Variants in NCOA2 observed in about 807,000 individuals in gnomAD.
The protein encoded by NCOA2 is class E basic helix-loop-helix protein 75.
NCOA2 carries 21 observed loss-of-function variants against 145.1 expected under a neutral mutation model. That is an observed-to-expected ratio of 0.14 (90% CI 0.10 to 0.21). The LOEUF is 0.21. NCOA2 is among the 10% of genes least tolerant of loss of function. The probability of loss-of-function intolerance (pLI) is 1.00; values close to 1 mark genes in which losing one functional copy is unlikely to be tolerated. For missense variants in NCOA2, 1,472 were observed against 1,837.6 expected, an observed-to-expected ratio of 0.80 and a Z score of 3.64; for synonymous variants, 619 against 637.5, an observed-to-expected ratio of 0.97 and a Z score of 0.44.
chr8:70,355,066 G>T (rs767707485), intron 1 of NCOA2, among the ~76,000 whole-genome samples: 1 of 152,116 alleles, frequency 6.6e-6, no homozygotes, highest in Non-Finnish European at 1.5e-5. Flanking sequence ...TATTTTAAAC[G>T]CAAATTCAAC....
At position 70,249,824 on chromosome 8, in the gene NCOA2, C is replaced by T. The variant is rs527525449; in HGVS notation, c.-19-33060G>A. The stretch of plus-strand genomic sequence containing the variant: ...CTAAAAATATGAAAAATTAGATGGG[C>T]GTGGTGGTGTGTGCCTGTAGTCCCA... On this transcript the variant is annotated intron_variant, in intron 2 of 22. Transcript: ENST00000452400. Among the ~76,000 whole-genome samples, 243 of 150,772 alleles carry T rather than the reference C, an allele frequency of 1.6e-3. 2 individuals are homozygous for T. The highest frequency in any genetic ancestry group is 2.8e-3 in the Non-Finnish European group (190 of 67,698).
intron 9 of NCOA2, 52 bp downstream of exon 9, chr8:70,162,659 A>G (rs1423328020): frequency 1.9e-6 from 3 of 1,550,848 alleles, no homozygotes; most frequent in Non-Finnish European, 2.6e-6. Flanking sequence ...TCATTGACAG[A>G]AAGCTCCCAC....
the NCOA2 span, among the ~76,000 whole-genome samples, chr8:70,415,369 A>T: frequency 6.6e-6 from 1 of 152,096 alleles, no homozygotes; most frequent in Admixed American, 6.6e-5. Context: ...AGTACTAAAC[A>T]AACTCCTCTA....
chr8:70,158,453 A>G (rs993703026), intron 10 of NCOA2, among the ~76,000 whole-genome samples: 1 of 152,190 alleles, frequency 6.6e-6, no homozygotes, highest in Admixed American at 6.5e-5. Flanking sequence ...TTACCCTTCA[A>G]TTTAAGGTCT....
At chr8:70,179,049 T>C (rs1815179757) in intron 4 of NCOA2, among the ~76,000 whole-genome samples, 1 of 152,192 alleles carries the variant, frequency 6.6e-6, no homozygotes, top group Non-Finnish European at 1.5e-5. Context: ...AGTGTTGCAA[T>C]ATTTACACAA....
the NCOA2 span, among the ~76,000 whole-genome samples, chr8:70,435,687 TTA>T: frequency 1.4e-4 from 21 of 150,644 alleles, no homozygotes; most frequent in Non-Finnish European, 2.5e-4. Flanking sequence ...CCTTTTCTAC[TTA>T]TATATATATA....
rs1478222624 is a variant in NCOA2, at chr8:70,162,652, T to C, written c.976+59A>G. Reference sequence around the variant, plus strand: ...TTCCCAAGGTGAACTCCAGGAATCATTGACAGAAAGCTCCCACAGGAAGCA... The same window carrying C: ...TTCCCAAGGTGAACTCCAGGAATCACTGACAGAAAGCTCCCACAGGAAGCA... On this transcript the variant is annotated intron_variant, in intron 9 of 22. Coordinates refer to ENST00000452400, the MANE Select transcript of NCOA2 (RefSeq NM_006540.4). 28 of 1,532,194 alleles carry C rather than the reference T, an allele frequency of 1.8e-5. No individual in the cohort carries two copies. In the East Asian group the frequency reaches 2.0e-4, roughly 11 times the overall value. The allele number at this position is 1,532,194 out of a possible 1,614,324, so 94.9% of individuals were successfully genotyped here. A position where few individuals can be genotyped will look rare whatever the true frequency, so the allele number is the denominator to read the frequency against.
At chr8:70,299,571 GA>G (rs1347330541) in intron 1 of NCOA2, among the ~76,000 whole-genome samples, 1 of 152,042 alleles carries the variant, frequency 6.6e-6, no homozygotes, top group East Asian at 1.9e-4. Flanking sequence ...AAAAGTACAT[GA>G]AAAAATACTC....
chr8:70,166,502 G>T, intron 7 of NCOA2, 64 bp downstream of exon 7: 1 of 1,549,192 alleles, frequency 6.5e-7, no homozygotes, highest in Admixed American at 1.7e-5. Flanking sequence ...TAATTAAAGT[G>T]TGAAGGAAGT....
At chr8:70,278,973 C>T (rs1200068679) in intron 2 of NCOA2, among the ~76,000 whole-genome samples, 1 of 145,724 alleles carries the variant, frequency 6.9e-6, no homozygotes, top group Non-Finnish European at 1.5e-5. Flanking sequence ...TCTCCCCCAA[C>T]CAAAAAAAAA....
chr8:70,132,796 GCT>G (rs1809289283), intron 15 of NCOA2, among the ~76,000 whole-genome samples: 2 of 152,264 alleles, frequency 1.3e-5, no homozygotes, highest in South Asian at 4.1e-4. Flanking sequence ...GAACTCCTGA[GCT>G]CAAGCGATCC....
the NCOA2 span, among the ~76,000 whole-genome samples, chr8:70,427,861 G>T: frequency 6.6e-6 from 1 of 152,178 alleles, no homozygotes; most frequent in African/African-American, 2.4e-5. Flanking sequence ...AGTCAAACCA[G>T]GCAGGGTATA....
intron 2 of NCOA2, among the ~76,000 whole-genome samples, chr8:70,221,662 C>T (rs764166177): frequency 5.5e-4 from 84 of 152,118 alleles, no homozygotes; most frequent in Admixed American, 1.6e-3. Context: ...TTACCCAAAG[C>T]AGACATTATT....
chr8:70,376,437 A>G (rs1811675634), intron 1 of NCOA2, among the ~76,000 whole-genome samples: 1 of 152,124 alleles, frequency 6.6e-6, no homozygotes, highest in Non-Finnish European at 1.5e-5. Flanking sequence ...ACTCTGTGCA[A>G]TACAGTCTGG....
Position 70,147,711 on chromosome 8 carries a change from C to T in NCOA2, c.2605+562G>A, listed in dbSNP as rs114833927. 3.2e-3 allele frequency among the ~76,000 whole-genome samples: 486 copies of T among 152,260 alleles called. 5 individuals carry two copies. The highest frequency in any genetic ancestry group is 0.011 in the African/African-American group (454 of 41,548). The stretch of plus-strand genomic sequence containing the variant: ...ATACATTTAGAAACGTAAAGTTCCA[C>T]GTCAAGTGATGTTTATATGAAGATT... On this transcript the variant is annotated intron_variant, in intron 12 of 22. Coordinates refer to ENST00000452400, the MANE Select transcript of NCOA2 (RefSeq NM_006540.4).
intron 4 of NCOA2, among the ~76,000 whole-genome samples, 164 bp downstream of exon 4, chr8:70,213,739 A>G (rs578113266): frequency 1.4e-3 from 213 of 152,330 alleles, no homozygotes; most frequent in Middle Eastern, 6.8e-3. Context: ...GCCTATTTAT[A>G]AACCACTGCA....
At chr8:70,325,149 T>C (rs906439168) in intron 1 of NCOA2, among the ~76,000 whole-genome samples, 7 of 152,230 alleles carry the variant, frequency 4.6e-5, no homozygotes, top group African/African-American at 1.4e-4. Context: ...ACAGTGCTGT[T>C]TCCATTGTTT....
At chr8:70,221,371 T>G (rs1314034038) in intron 2 of NCOA2, among the ~76,000 whole-genome samples, 1 of 152,212 alleles carries the variant, frequency 6.6e-6, no homozygotes, top group Non-Finnish European at 1.5e-5. Context: ...TGAAAACATT[T>G]GCTCATTCTA....
chr8:70,261,883 A>G (rs897020803), intron 2 of NCOA2, among the ~76,000 whole-genome samples: 33 of 152,106 alleles, frequency 2.2e-4, no homozygotes, highest in African/African-American at 8.0e-4. Flanking sequence ...AAAAATTTTA[A>G]AAAGTACAAA....
Sources: allele counts gnomAD v4.1 joint callset (sites outside exome capture counted in the v4.1 genomes callset), GRCh38; gene constraint gnomAD v4.1.1; transcripts MANE v1.5; gene names NCBI Gene and HGNC (gene_info 2026-07-23, HGNC 2026-07-21).